Variants in NLGN1 observed in about 807,000 individuals in gnomAD.
The protein encoded by NLGN1 is neuroligin-1.
In NLGN1, 12 loss-of-function variants were observed where a neutral mutation model predicts 65.5. The observed-to-expected ratio is 0.18, with a 90% CI of 0.12 to 0.30. The LOEUF (loss-of-function observed/expected upper bound fraction) is 0.30. Ranked by LOEUF, NLGN1 falls within the 10% of genes least tolerant of loss-of-function variation. NLGN1 has a pLI of 1.00. For missense variants in NLGN1, 750 were observed against 1,007.1 expected (o/e 0.74, Z 3.46); for synonymous variants, 350 against 359.5 (o/e 0.97, Z 0.30).
intron 4 of NLGN1, among the ~76,000 whole-genome samples, chr3:174,022,240 C>A (rs1318840860): frequency 2.0e-5 from 3 of 152,130 alleles, no homozygotes; most frequent in South Asian, 4.1e-4. Flanking sequence ...AAAGCTGCTT[C>A]TTTTGCTTAT....
chr3:174,284,204 C>A (rs1471789651), exon 7 of NLGN1: 1 of 151,218 alleles, frequency 6.6e-6, no homozygotes, highest in Non-Finnish European at 1.5e-5. Flanking sequence ...AATTGTTGTT[C>A]ACCAGTCACG....
intron 2 of NLGN1, among the ~76,000 whole-genome samples, chr3:173,580,355 T>C (rs1474745358): frequency 6.6e-6 from 1 of 152,136 alleles, no homozygotes; most frequent in Non-Finnish European, 1.5e-5. Context: ...GAATGCCCTA[T>C]AGTGCTCAGG....
At chr3:173,812,453 C>T (rs756368061) in intron 4 of NLGN1, among the ~76,000 whole-genome samples, 7 of 151,956 alleles carry the variant, frequency 4.6e-5, no homozygotes, top group Non-Finnish European at 7.4e-5. Context: ...TTAGGCCAGG[C>T]GTGGTGGTGC....
intron 4 of NLGN1, among the ~76,000 whole-genome samples, chr3:173,881,449 G>C (rs1338087327): frequency 1.1e-4 from 13 of 122,774 alleles, no homozygotes; most frequent in African/African-American, 3.8e-4. Flanking sequence ...TTTTGAGACA[G>C]AGTCTCGCTC....
At chr3:173,403,468 C>A (rs565045809) in intron 1 of NLGN1, among the ~76,000 whole-genome samples, 1 of 152,170 alleles carries the variant, frequency 6.6e-6, no homozygotes, top group Non-Finnish European at 1.5e-5. Context: ...AGAAGGACTT[C>A]ATATATGCTT....
At chr3:173,990,409 T>C (rs1186358306) in intron 4 of NLGN1, among the ~76,000 whole-genome samples, 1 of 152,198 alleles carries the variant, frequency 6.6e-6, no homozygotes, top group Non-Finnish European at 1.5e-5. Flanking sequence ...CATAGAGAAA[T>C]ACATTTTGTT....
rs1713651073 is a variant in NLGN1 at position 173,415,919 on chromosome 3, G to GAGAGGGA, written c.-390+17432_-390+17433insAGAGGGA. ...TATATATATATAGAGAGAGAGAGAGGGAGAGAGAGAGAGAGAGAGAGAGAG... is the reference window on the plus strand; with the variant it reads ...TATATATATATAGAGAGAGAGAGAGGAGAGGGAGAGAGAGAGAGAGAGAGAGAGAGAG... On this transcript the variant is annotated intron_variant, in intron 1 of 6. Transcript: ENST00000457714. 6.2e-4 allele frequency among the ~76,000 whole-genome samples: 78 copies of GAGAGGGA among 125,236 alleles called. 1 individual carries two copies. Among genetic ancestry groups the GAGAGGGA allele is most frequent in the African/African-American group, 2.4e-3 (72 of 30,348 alleles). 82.2% of individuals were successfully genotyped at this position (125,236 alleles called of 152,430 possible).
chr3:174,212,145 A>G (rs1736753680), intron 4 of NLGN1, among the ~76,000 whole-genome samples: 1 of 152,194 alleles, frequency 6.6e-6, no homozygotes, highest in African/African-American at 2.4e-5. Context: ...CCCGGTGAGA[A>G]ATGGAGCACA....
intron 4 of NLGN1, among the ~76,000 whole-genome samples, chr3:174,050,463 A>C (rs572932101): frequency 6.6e-6 from 1 of 151,472 alleles, no homozygotes; most frequent in African/African-American, 2.4e-5. Context: ...ACATAGATTA[A>C]AAGTCTATGG....
At chr3:174,141,446 A>T (rs1389717716) in intron 4 of NLGN1, among the ~76,000 whole-genome samples, 2 of 152,188 alleles carry the variant, frequency 1.3e-5, no homozygotes, top group African/African-American at 4.8e-5. Context: ...AAGGAAGAAC[A>T]GTGGGTGCAT....
intron 3 of NLGN1, among the ~76,000 whole-genome samples, chr3:173,720,114 T>TA (rs1040657892): frequency 1.3e-5 from 2 of 151,838 alleles, no homozygotes; most frequent in Non-Finnish European, 2.9e-5. Context: ...ACTGTGTCTC[T>TA]AAAAAAATAA....
chr3:173,396,679 G>C (rs905317809), upstream of NLGN1: 1 of 152,130 alleles, frequency 6.6e-6, no homozygotes, highest in African/African-American at 2.4e-5. Context: ...AGGTGCAAAC[G>C]GGGCTTAGAG....
chr3:173,680,787 T>C (rs1763841566), intron 3 of NLGN1, among the ~76,000 whole-genome samples: 1 of 152,164 alleles, frequency 6.6e-6, no homozygotes, highest in African/African-American at 2.4e-5. Context: ...GGGAGGTATA[T>C]ACAATATTTA....
At chr3:173,854,870 T>C (rs568300833) in intron 4 of NLGN1, among the ~76,000 whole-genome samples, 1 of 152,092 alleles carries the variant, frequency 6.6e-6, no homozygotes, top group South Asian at 2.1e-4. Flanking sequence ...GGTAGAAGAG[T>C]TGAACAAAAA....
intron 4 of NLGN1, among the ~76,000 whole-genome samples, chr3:174,252,843 C>G (rs190249339): frequency 6.6e-6 from 1 of 152,242 alleles, no homozygotes; most frequent in East Asian, 1.9e-4. Context: ...CACATACTGT[C>G]TCCACGGTGA....
At chr3:173,875,907 G>T (rs921599483) in intron 4 of NLGN1, among the ~76,000 whole-genome samples, 3 of 152,132 alleles carry the variant, frequency 2.0e-5, no homozygotes, top group Admixed American at 1.3e-4. Flanking sequence ...TACTCAGAAA[G>T]AAGTTAGGAG....
chr3:173,709,988 A>G (rs979234031), intron 3 of NLGN1, among the ~76,000 whole-genome samples: 4 of 152,226 alleles, frequency 2.6e-5, no homozygotes, highest in Non-Finnish European at 1.5e-5. Flanking sequence ...TACTAATGCA[A>G]TACCCATATA....
chr3:173,970,247 A>G (rs888963973), intron 4 of NLGN1, among the ~76,000 whole-genome samples: 3 of 152,184 alleles, frequency 2.0e-5, no homozygotes, highest in African/African-American at 4.8e-5. Context: ...GTGGAGGGTG[A>G]AACAAGTAAA....
chr3:173,947,972 T>G (rs1258784142), intron 4 of NLGN1, among the ~76,000 whole-genome samples: 2 of 152,224 alleles, frequency 1.3e-5, no homozygotes, highest in Non-Finnish European at 2.9e-5. Flanking sequence ...AACTGAATGG[T>G]AAAATAGCTA....
Sources: gnomAD v4.1 joint callset for allele counts (sites outside exome capture counted in the v4.1 genomes callset) on GRCh38, gnomAD v4.1.1 for gene constraint, MANE v1.5 for transcripts, NCBI Gene and HGNC (gene_info 2026-07-23, HGNC 2026-07-21) for gene names.